The following ROCK2 variants were observed in gnomAD, a reference collection of about 807,000 sequenced individuals.
ROCK2 encodes rho-associated protein kinase 2.
ROCK2 carries 61 observed loss-of-function variants against 195.1 expected under a neutral mutation model. The observed-to-expected ratio is 0.31, with a 90% CI of 0.25 to 0.39. ROCK2 has a LOEUF of 0.39. Among genes scored for constraint, ROCK2 ranks in the 10% least tolerant of loss-of-function variants. The pLI is 1.00. For synonymous variants in ROCK2, 504 were observed against 545.5 expected, an observed-to-expected ratio of 0.92 and a Z score of 1.06; for missense variants, 1,109 against 1,637.4, an observed-to-expected ratio of 0.68 and a Z score of 5.57.
intron 20 of ROCK2, among the ~76,000 whole-genome samples, chr2:11,207,171 G>C (rs1664083808): frequency 6.6e-6 from 1 of 152,162 alleles, no homozygotes; most frequent in Non-Finnish European, 1.5e-5. Flanking sequence ...ACAGTGCAAA[G>C]CAATCTCACT....
chr2:11,297,811 A>T (rs1200859366), intron 1 of ROCK2, among the ~76,000 whole-genome samples: 1 of 152,198 alleles, frequency 6.6e-6, no homozygotes, highest in African/African-American at 2.4e-5. Flanking sequence ...CTTTATGAAC[A>T]AAATTTTTTC....
chr2:11,191,830 G>A (rs1025916211), intron 32 of ROCK2, among the ~76,000 whole-genome samples: 1 of 152,120 alleles, frequency 6.6e-6, no homozygotes, highest in South Asian at 2.1e-4. Context: ...CCATTATTTT[G>A]CTTAAAGTTG....
chr2:11,227,436 T>C, intron 5 of ROCK2, 38 bp from the exon 6 acceptor site: 1 of 1,576,542 alleles, frequency 6.3e-7, no homozygotes, highest in Non-Finnish European at 8.6e-7. Flanking sequence ...AACAGTTCAG[T>C]GTAAAAACAC....
intron 1 of ROCK2, among the ~76,000 whole-genome samples, chr2:11,317,606 ATATATATTTTT>A (rs1668255322): frequency 6.2e-5 from 1 of 16,158 alleles, no homozygotes; most frequent in South Asian, 2.3e-3. Flanking sequence ...ATATATATAT[ATATATATTTTT>A]TTTTTTTTTT....
chr2:11,274,900 T>A (rs1437608638), intron 3 of ROCK2, among the ~76,000 whole-genome samples: 1 of 152,180 alleles, frequency 6.6e-6, no homozygotes, highest in Non-Finnish European at 1.5e-5. Context: ...TTATGTTTTT[T>A]CCTATACATA....
intron 12 of ROCK2, among the ~76,000 whole-genome samples, chr2:11,216,429 G>A (rs943514082): frequency 1.3e-5 from 2 of 148,478 alleles, no homozygotes; most frequent in African/African-American, 2.5e-5. Context: ...CTCCCAAGTA[G>A]CTCCCTTGGC....
intron 3 of ROCK2, among the ~76,000 whole-genome samples, chr2:11,263,333 C>T (rs1666298861): frequency 6.6e-6 from 1 of 152,164 alleles, no homozygotes; most frequent in Non-Finnish European, 1.5e-5. Context: ...ATACAGCATA[C>T]TGAAAGACAA....
In ROCK2 at chr2:11,272,464, C is replaced by G. The variant is rs552904788; in HGVS notation, c.324+14075G>C. Among the ~76,000 whole-genome samples the G allele has an allele frequency of 1.5e-3, 224 of 151,906 alleles. 1 individual carries two copies. Among genetic ancestry groups the G allele is most frequent in the African/African-American group, 4.8e-3 (199 of 41,434 alleles). On this transcript the variant is annotated intron_variant, in intron 3 of 32. Coordinates refer to ENST00000315872, the MANE Select transcript of ROCK2 (RefSeq NM_004850.5). ...ATTATTGAAACTTTGTTTCATAAAC[C>G]CATTTTGTTCTATATAAAAAATTGA...
intron 1 of ROCK2, among the ~76,000 whole-genome samples, chr2:11,319,033 A>G (rs550600274): frequency 1.3e-5 from 2 of 152,294 alleles, no homozygotes; most frequent in South Asian, 2.1e-4. Flanking sequence ...GAAGTCAGGT[A>G]GTGTGATGCC....
At chr2:11,244,061 A>T (rs1390904606) in intron 4 of ROCK2, among the ~76,000 whole-genome samples, 1 of 152,222 alleles carries the variant, frequency 6.6e-6, no homozygotes, top group Non-Finnish European at 1.5e-5. Flanking sequence ...GCATTAACAG[A>T]TGAGTATTTG....
At chr2:11,286,035 T>C (rs773573910) in intron 3 of ROCK2, among the ~76,000 whole-genome samples, 3 of 151,084 alleles carry the variant, frequency 2.0e-5, no homozygotes, top group Non-Finnish European at 4.4e-5. Context: ...AGGAGTTTCA[T>C]ATACTCAGGT....
intron 3 of ROCK2, among the ~76,000 whole-genome samples, chr2:11,281,222 A>C (rs1375488532): frequency 3.3e-5 from 5 of 151,632 alleles, no homozygotes; most frequent in South Asian, 4.2e-4. Context: ...AAAAAAAAAA[A>C]AAAAAAAAAC....
intron 32 of ROCK2, among the ~76,000 whole-genome samples, chr2:11,184,337 A>T (rs1663112975): frequency 6.6e-6 from 1 of 152,222 alleles, no homozygotes; most frequent in Admixed American, 6.5e-5. Context: ...GGAACTTGAA[A>T]ACGTTGTAAA....
At position 11,218,972 on chromosome 2, in the gene ROCK2, T is replaced by C; in HGVS notation, c.1314A>G (p.Lys438=). Residue 438 remains lysine (K), a synonymous_variant, in exon 10 of 33, where the codon AAA becomes AAG. Transcript: ENST00000315872. ...CRETDSIQSR[K]NEESQEIQKK... Reference sequence around the variant, plus strand: ...AGTAAAAATGTATACGTACTTCATTTTTCCTTGATTGTATGGAATCAGTTT... The same window carrying C: ...AGTAAAAATGTATACGTACTTCATTCTTCCTTGATTGTATGGAATCAGTTT... The C allele has an allele frequency of 6.9e-7, 1 of 1,458,206 alleles. No homozygotes were observed. Among genetic ancestry groups the C allele is most frequent in the Non-Finnish European group, 9.4e-7 (1 of 1,059,458 alleles). The allele number at this position is 1,458,206 out of a possible 1,614,324, so 90.3% of individuals were successfully genotyped here.
intron 7 of ROCK2, among the ~76,000 whole-genome samples, chr2:11,223,764 G>A (rs1224212550): frequency 1.3e-5 from 2 of 152,110 alleles, no homozygotes; most frequent in Non-Finnish European, 2.9e-5. Context: ...GGTGAACAAA[G>A]AAGAGAAATC....
chr2:11,319,584 C>A (rs1668337656), intron 1 of ROCK2, among the ~76,000 whole-genome samples: 2 of 152,190 alleles, frequency 1.3e-5, no homozygotes, highest in East Asian at 3.9e-4. Flanking sequence ...TAATTGAATA[C>A]CCTTTATTTC....
chr2:11,315,189 T>C (rs1157908313), intron 1 of ROCK2, among the ~76,000 whole-genome samples: 2 of 151,978 alleles, frequency 1.3e-5, no homozygotes, highest in Admixed American at 6.6e-5. Flanking sequence ...AGTAAAACAA[T>C]TATTCTGAAG....
At chr2:11,292,152 G>A (rs780484288) in intron 1 of ROCK2, among the ~76,000 whole-genome samples, 8 of 151,304 alleles carry the variant, frequency 5.3e-5, no homozygotes, top group Non-Finnish European at 1.2e-4. Context: ...TTTAAATACC[G>A]TATTAAAAAA....
At chr2:11,304,043 A>G (rs974781013) in intron 1 of ROCK2, among the ~76,000 whole-genome samples, 1 of 152,092 alleles carries the variant, frequency 6.6e-6, no homozygotes, top group East Asian at 1.9e-4. Flanking sequence ...CTTTCTTAGT[A>G]TACTTTATTG....
Sources: allele counts gnomAD v4.1 joint callset (sites outside exome capture counted in the v4.1 genomes callset), GRCh38; gene constraint gnomAD v4.1.1; transcripts MANE v1.5; gene names NCBI Gene and HGNC (gene_info 2026-07-23, HGNC 2026-07-21).